The following CT45A1 variants were observed in gnomAD, a reference collection of about 807,000 sequenced individuals.
CT45A1 encodes cancer/testis antigen 45-1.
chrX:135,714,246 G>A (rs2087959878), intron 1 of CT45A1, among the ~76,000 whole-genome samples: 1 of 109,573 alleles, frequency 9.1e-6, no homozygotes, highest in Admixed American at 9.7e-5. Flanking sequence ...GCCCTTGGAT[G>A]TCGCTCACTC....
chrX:135,717,698 G>C (rs187044266), intron 1 of CT45A1, among the ~76,000 whole-genome samples: 2 of 111,106 alleles, frequency 1.8e-5, no homozygotes, highest in Admixed American at 9.6e-5. Flanking sequence ...TGATGTTTTT[G>C]GTACTGTTTT....
intron 1 of CT45A1, among the ~76,000 whole-genome samples, chrX:135,716,360 T>C (rs1227851079): frequency 9.0e-6 from 1 of 111,360 alleles, no homozygotes; most frequent in Non-Finnish European, 1.9e-5. Context: ...TGGAATGGAG[T>C]AAAGTCAGAG....
chrX:135,712,877 T>A (rs1603079961), upstream of CT45A1, among the ~76,000 whole-genome samples: 1 of 110,905 alleles, frequency 9.0e-6, no homozygotes, highest in African/African-American at 3.3e-5. Context: ...TTCAGTTTGT[T>A]GATGTTGTCG....
At chrX:135,713,921 C>G (rs1376584563) in intron 1 of CT45A1, among the ~76,000 whole-genome samples, 5 of 104,386 alleles carry the variant, frequency 4.8e-5, no homozygotes, top group Admixed American at 4.2e-4. Flanking sequence ...TGTTGTGAGG[C>G]CGGGGGGCTT....
intron 1 of CT45A1, among the ~76,000 whole-genome samples, chrX:135,718,275 T>A (rs1161424127): frequency 9.0e-6 from 1 of 111,497 alleles, no homozygotes; most frequent in Non-Finnish European, 1.9e-5. Context: ...ATGTCCTTTT[T>A]AAGTACTATT....
chrX:135,718,514 A>T (rs1316080607), intron 1 of CT45A1, among the ~76,000 whole-genome samples: 1 of 110,256 alleles, frequency 9.1e-6, no homozygotes, highest in Admixed American at 9.8e-5. Context: ...TATATTAAAT[A>T]CATATTTTGC....
chrX:135,720,017 TC>T (rs2088026158), intron 2 of CT45A1, among the ~76,000 whole-genome samples: 1 of 91,058 alleles, frequency 1.1e-5, no homozygotes, highest in Non-Finnish European at 2.2e-5. Flanking sequence ...GCCCGGTCCA[TC>T]CCCACTCCAG....
upstream of CT45A1, among the ~76,000 whole-genome samples, chrX:135,712,937 T>TTTTCTTTTTCTTTCTTTCTTTC (rs1556570065): frequency 2.9e-5 from 2 of 69,548 alleles, no homozygotes; most frequent in African/African-American, 1.2e-4. Context: ...TCTTTTCTTT[T>TTTTCTTTTTCTTTCTTTCTTTC]TTTCTTTCTT....
chrX:135,709,630 A>G (rs376880787), upstream of CT45A1, among the ~76,000 whole-genome samples: 5 of 111,044 alleles, frequency 4.5e-5, no homozygotes, highest in South Asian at 3.8e-4. Context: ...GAGATACTGC[A>G]TGTTCTCATT....
At chrX:135,717,314 C>T (rs1556571920) in intron 1 of CT45A1, among the ~76,000 whole-genome samples, 1 of 111,517 alleles carries the variant, frequency 9.0e-6, no homozygotes, top group African/African-American at 3.3e-5. Flanking sequence ...TGTGGGAGGC[C>T]GAGGTGGGCA....
At chrX:135,717,981 T>A (rs1556572203) in intron 1 of CT45A1, among the ~76,000 whole-genome samples, 1 of 112,222 alleles carries the variant, frequency 8.9e-6, no homozygotes, top group East Asian at 2.8e-4. Flanking sequence ...ATCTTTGTCT[T>A]GTTTTCAAAC....
At chrX:135,714,140 G>A (rs2148032523) in intron 1 of CT45A1, among the ~76,000 whole-genome samples, 1 of 109,206 alleles carries the variant, frequency 9.2e-6, no homozygotes, top group Non-Finnish European at 1.9e-5. Context: ...TGTCCCAGAC[G>A]CATGATCGCC....
chrX:135,717,513 T>C (rs1384869419), intron 1 of CT45A1, among the ~76,000 whole-genome samples: 1 of 109,956 alleles, frequency 9.1e-6, no homozygotes, highest in Non-Finnish European at 1.9e-5. Flanking sequence ...TGTGCCACTC[T>C]ACTCCAGCCT....
chrX:135,708,507 TG>T, the CT45A1 span, among the ~76,000 whole-genome samples: 1 of 110,595 alleles, frequency 9.0e-6, no homozygotes, highest in Non-Finnish European at 1.9e-5. Flanking sequence ...CTGGGTGATG[TG>T]GTTCCGCTCT....
upstream of CT45A1, among the ~76,000 whole-genome samples, chrX:135,711,379 A>G (rs191611780): frequency 9.3e-4 from 104 of 111,866 alleles, 1 homozygote; most frequent in Admixed American, 9.8e-3. Flanking sequence ...AAGCTATAAT[A>G]CTGAAAATGA....
chrX:135,715,797 TG>T (rs1304846018), intron 1 of CT45A1, among the ~76,000 whole-genome samples: 1 of 106,994 alleles, frequency 9.3e-6, no homozygotes, highest in Admixed American at 1.1e-4. Flanking sequence ...GGTGGTTTGC[TG>T]CACCCATCAA....
At chrX:135,708,967 T>A (rs1556568864), upstream of CT45A1, among the ~76,000 whole-genome samples, 1 of 111,243 alleles carries the variant, frequency 9.0e-6, no homozygotes, top group African/African-American at 3.3e-5. Flanking sequence ...ATATAAACCT[T>A]GAGAGTTGAT....
At chrX:135,712,810 G>A (rs1480012448), upstream of CT45A1, among the ~76,000 whole-genome samples, 2 of 110,999 alleles carry the variant, frequency 1.8e-5, no homozygotes, top group Admixed American at 9.5e-5. Flanking sequence ...GATTACAGGC[G>A]CGAGCCACAG....
chrX:135,715,773 T>A (rs1332673075), intron 1 of CT45A1, among the ~76,000 whole-genome samples: 4 of 106,400 alleles, frequency 3.8e-5, no homozygotes, highest in Non-Finnish European at 7.7e-5. Flanking sequence ...GTTACATAGG[T>A]AGACACATGC....
Sources: allele counts gnomAD v4.1 joint callset (sites outside exome capture counted in the v4.1 genomes callset), GRCh38; gene constraint gnomAD v4.1.1; transcripts MANE v1.5; gene names NCBI Gene and HGNC (gene_info 2026-07-23, HGNC 2026-07-21).